MYO9A: variants seen among roughly 807,000 people sequenced by gnomAD.
MYO9A encodes unconventional myosin-IXa.
A neutral mutation model predicts 293.3 loss-of-function variants in MYO9A; 103 were observed. That is an observed-to-expected ratio of 0.35 (90% CI 0.30 to 0.41). MYO9A has a LOEUF of 0.41. Among genes scored for constraint, MYO9A ranks in the 10% least tolerant of loss-of-function variants. The pLI is 1.00. For synonymous variants in MYO9A, 1,001 were observed against 1,035.7 expected, an observed-to-expected ratio of 0.97 and a Z score of 0.64; for missense variants, 2,685 against 3,033.0, an observed-to-expected ratio of 0.89 and a Z score of 2.69.
At chr15:71,896,383 T>C (rs2057327320) in intron 25 of MYO9A, among the ~76,000 whole-genome samples, 1 of 152,190 alleles carries the variant, frequency 6.6e-6, no homozygotes, top group South Asian at 2.1e-4. Flanking sequence ...ATCTACCAAA[T>C]ATAAAGATAA....
At chr15:72,069,647 G>A (rs999041737) in intron 1 of MYO9A, among the ~76,000 whole-genome samples, 1 of 152,094 alleles carries the variant, frequency 6.6e-6, no homozygotes, top group African/African-American at 2.4e-5. Context: ...AGTGATAGAA[G>A]GTAGAAACAT....
chr15:71,843,591 C>T (rs551449283), intron 39 of MYO9A, among the ~76,000 whole-genome samples: 8 of 152,280 alleles, frequency 5.3e-5, no homozygotes, highest in Admixed American at 3.9e-4. Context: ...CAGGCTCAAG[C>T]GATCCTCCCA....
rs1567222207 is a variant in MYO9A, at chr15:71,878,091, A to AAAC, written c.5877_5879dup (p.Val1959_Phe1960insLeu). ...TGAATTCATTCATATATTCATCTAA[A>AAAC]AACACTTTAAAAGTGTTGACCCAAA... On this transcript the variant is annotated inframe_insertion, in exon 31 of 42. Transcript: ENST00000356056. 6.2e-7 allele frequency: 1 copy of AAAC among 1,610,814 alleles called. No homozygotes were observed. Among genetic ancestry groups the AAAC allele is most frequent in the Non-Finnish European group, 8.5e-7 (1 of 1,178,986 alleles).
At chr15:71,851,392 T>C (rs1187343057) in intron 36 of MYO9A, 34 bp from the exon 37 acceptor site, 1 of 1,514,106 alleles carries the variant, frequency 6.6e-7, no homozygotes, top group Non-Finnish European at 9.2e-7. Context: ...TAAGACTAAA[T>C]ATCCCCCCTT....
intron 22 of MYO9A, 94 bp downstream of exon 22, chr15:71,902,847 A>T: frequency 9.9e-7 from 1 of 1,006,652 alleles, no homozygotes; most frequent in Non-Finnish European, 1.4e-6. Flanking sequence ...TATCTGATTC[A>T]CTATCTTTTT....
intron 1 of MYO9A, among the ~76,000 whole-genome samples, chr15:72,067,067 CATT>C (rs1366238227): frequency 7.0e-6 from 1 of 143,756 alleles, no homozygotes. Context: ...TATAGGTAAT[CATT>C]AGCAATATTG....
intron 33 of MYO9A, 144 bp from the exon 34 acceptor site, chr15:71,859,940 G>T: frequency 3.2e-6 from 2 of 617,486 alleles, no homozygotes; most frequent in Non-Finnish European, 5.5e-6. Context: ...TTGTACAATG[G>T]TGTAATTAAA....
intron 1 of MYO9A, among the ~76,000 whole-genome samples, chr15:72,055,241 C>A (rs1369882206): frequency 1.3e-5 from 2 of 152,106 alleles, no homozygotes; most frequent in Non-Finnish European, 2.9e-5. Context: ...GGCAATATAC[C>A]AAGACCCCAT....
chr15:71,917,744 A>G (rs997783710), intron 18 of MYO9A, among the ~76,000 whole-genome samples: 1 of 152,186 alleles, frequency 6.6e-6, no homozygotes. Flanking sequence ...AAAAGAATAT[A>G]TCTATACAGA....
chr15:72,062,303 G>A (rs147976655), intron 1 of MYO9A, among the ~76,000 whole-genome samples: 218 of 152,212 alleles, frequency 1.4e-3, no homozygotes, highest in African/African-American at 4.6e-3. Context: ...AGACACCAAC[G>A]AACACCCACA....
chr15:71,977,289 T>A (rs532909798), intron 12 of MYO9A, among the ~76,000 whole-genome samples: 5 of 152,218 alleles, frequency 3.3e-5, no homozygotes, highest in Non-Finnish European at 1.5e-5. Flanking sequence ...TGGACTATAG[T>A]GCATTGGCGC....
intron 33 of MYO9A, among the ~76,000 whole-genome samples, chr15:71,862,026 G>A (rs113419531): frequency 0.037 from 5,620 of 152,302 alleles, 371 homozygotes; most frequent in African/African-American, 0.13. Context: ...AGCTACTCGG[G>A]AGGCTGAGGC....
intron 15 of MYO9A, among the ~76,000 whole-genome samples, chr15:71,944,129 AAC>A (rs2058850678): frequency 1.3e-5 from 2 of 152,220 alleles, no homozygotes; most frequent in African/African-American, 4.8e-5. Context: ...CTTTCATGAG[AAC>A]ACAGATAAAT....
At chr15:72,071,919 G>T (rs1159175357) in intron 1 of MYO9A, among the ~76,000 whole-genome samples, 1 of 151,424 alleles carries the variant, frequency 6.6e-6, no homozygotes, top group African/African-American at 2.4e-5. Context: ...AAAGATACCT[G>T]CTTAGCCAGG....
At position 72,104,551 on chromosome 15, in the gene MYO9A, GT is replaced by G. The variant is rs1466483153; in HGVS notation, c.-72+13128del. Among the ~76,000 whole-genome samples, 12 of 152,278 alleles carry G rather than the reference GT, an allele frequency of 7.9e-5. No homozygotes were observed. In the East Asian group the frequency reaches 2.3e-3, roughly 29 times the overall value. On this transcript the variant is annotated intron_variant, in intron 1 of 41. Coordinates refer to ENST00000356056, the MANE Select transcript of MYO9A (RefSeq NM_006901.4). ...CCAGTGCCTACACATCAGGAAGTTG[GT>G]CATGGTAGATGCTCAAATATTTTGA...
intron 11 of MYO9A, among the ~76,000 whole-genome samples, chr15:71,982,373 T>G (rs933098370): frequency 3.9e-5 from 6 of 152,166 alleles, no homozygotes; most frequent in Non-Finnish European, 8.8e-5. Context: ...ATTTTTTAGT[T>G]ACTGATTTCA....
chr15:72,030,157 C>T (rs1344723243), intron 3 of MYO9A, among the ~76,000 whole-genome samples: 1 of 152,186 alleles, frequency 6.6e-6, no homozygotes, highest in Non-Finnish European at 1.5e-5. Context: ...TCTGAATTAC[C>T]ATTGCCATTT....
At chr15:71,904,064 A>T (rs754259287) in intron 20 of MYO9A, 25 bp from the exon 21 acceptor site, 1 of 1,546,874 alleles carries the variant, frequency 6.5e-7, no homozygotes, top group African/African-American at 1.4e-5. Context: ...AAAAAGATTA[A>T]CCCAGAACAG....
chr15:71,908,469 C>T (rs1246604628), intron 19 of MYO9A, among the ~76,000 whole-genome samples: 3 of 152,166 alleles, frequency 2.0e-5, no homozygotes, highest in Non-Finnish European at 4.4e-5. Context: ...CCGATAATAT[C>T]CATTTCTTAA....
Sources: gnomAD v4.1 joint callset for allele counts (sites outside exome capture counted in the v4.1 genomes callset) on GRCh38, gnomAD v4.1.1 for gene constraint, MANE v1.5 for transcripts, NCBI Gene and HGNC (gene_info 2026-07-23, HGNC 2026-07-21) for gene names.